Variants in DOCK1 observed in about 807,000 individuals in gnomAD.
DOCK1 encodes the protein dedicator of cytokinesis protein 1.
In DOCK1, 138 loss-of-function variants were observed where a neutral mutation model predicts 262.7. That is an observed-to-expected ratio of 0.53 (90% CI 0.46 to 0.61). The LOEUF (loss-of-function observed/expected upper bound fraction) is 0.61. DOCK1 is among the 20% of genes least tolerant of loss of function. DOCK1 has a pLI of 0.00. For synonymous variants in DOCK1, 866 were observed against 867.4 expected (o/e 1.00, Z 0.03); for missense variants, 1,908 against 2,370.7 (o/e 0.80, Z 4.05).
rs1410939605 is a variant in DOCK1 at position 126,951,570 on chromosome 10, TGTG to T, written c.47-19123_47-19121del. Among the ~76,000 whole-genome samples the T allele has an allele frequency of 8.0e-5, 12 of 149,736 alleles. No individual in the cohort carries two copies. The South Asian group carries it at 1.5e-3, about 19-fold the overall frequency. On this transcript the variant is annotated intron_variant, in intron 1 of 51. Coordinates refer to ENST00000623213, the MANE Select transcript of DOCK1 (RefSeq NM_001290223.2). ...TTGTTGGTGATGTGTTGGTGGTGATTGTGGTGGTGGTAGTATTGTTGGTAGTGT... is the reference window on the plus strand; with the variant it reads ...TTGTTGGTGATGTGTTGGTGGTGATTGTGGTGGTAGTATTGTTGGTAGTGT...
intron 27 of DOCK1, among the ~76,000 whole-genome samples, chr10:127,233,079 GC>G (rs1244091332): frequency 6.6e-6 from 1 of 152,100 alleles, no homozygotes; most frequent in Admixed American, 6.6e-5. Flanking sequence ...TATGTATGAG[GC>G]AAATAACTGA....
In DOCK1 at chr10:127,139,162, T is replaced by C. The variant is rs925300873; in HGVS notation, c.2847+11398T>C. Among the ~76,000 whole-genome samples, 3 of 152,206 alleles carry C rather than the reference T, an allele frequency of 2.0e-5. No individual in the cohort carries two copies. In the East Asian group the frequency reaches 5.8e-4, roughly 29 times the overall value. On this transcript the variant is annotated intron_variant, in intron 27 of 51. Transcript: ENST00000623213. ...GCGTTGATGATAATGCATGAGCTCATAACATTTTATAACCAGTGGAACCGT... is the reference window on the plus strand; with the variant it reads ...GCGTTGATGATAATGCATGAGCTCACAACATTTTATAACCAGTGGAACCGT...
chr10:127,228,996 G>A (rs556724036), intron 27 of DOCK1, among the ~76,000 whole-genome samples: 38 of 152,232 alleles, frequency 2.5e-4, no homozygotes, highest in Non-Finnish European at 4.7e-4. Context: ...ACTCTGGGAG[G>A]CTTAGGCGGG....
chr10:126,977,603 A>G (rs2038644099), intron 2 of DOCK1, among the ~76,000 whole-genome samples: 1 of 152,178 alleles, frequency 6.6e-6, no homozygotes, highest in Non-Finnish European at 1.5e-5. Context: ...AAGAAAATGC[A>G]TACACAAGGA....
chr10:127,180,325 G>T (rs1434250579), intron 27 of DOCK1, among the ~76,000 whole-genome samples: 2 of 152,156 alleles, frequency 1.3e-5, no homozygotes, highest in Admixed American at 1.3e-4. Flanking sequence ...GGCTTGCCTT[G>T]GCTGGGTCAC....
intron 45 of DOCK1, 45 bp from the exon 46 acceptor site, chr10:127,419,621 G>C: frequency 6.5e-7 from 1 of 1,547,498 alleles, no homozygotes; most frequent in East Asian, 2.4e-5. Context: ...AAAAACCTGT[G>C]TTTGCTGAGC....
At chr10:127,164,505 C>T (rs1284133273) in intron 27 of DOCK1, among the ~76,000 whole-genome samples, 1 of 152,078 alleles carries the variant, frequency 6.6e-6, no homozygotes, top group Non-Finnish European at 1.5e-5. Flanking sequence ...TTTTGTTGCT[C>T]CTCTCTGTAG....
chr10:127,281,901 T>A (rs1395421703), intron 29 of DOCK1, among the ~76,000 whole-genome samples: 1 of 152,118 alleles, frequency 6.6e-6, no homozygotes, highest in Admixed American at 6.5e-5. Context: ...TGTAGGTCAG[T>A]GATGTTGCAT....
At chr10:127,069,445 A>C (rs2046076606) in intron 23 of DOCK1, among the ~76,000 whole-genome samples, 1 of 152,322 alleles carries the variant, frequency 6.6e-6, no homozygotes, top group Admixed American at 6.5e-5. Context: ...AAGCAGCTTA[A>C]AGAAATTTGG....
intron 1 of DOCK1, among the ~76,000 whole-genome samples, chr10:126,906,420 T>G (rs1215606791): frequency 6.6e-6 from 1 of 152,190 alleles, no homozygotes; most frequent in Non-Finnish European, 1.5e-5. Context: ...CACCTCTTCG[T>G]GATCTGCGCG....
chr10:127,279,083 A>C (rs2060849846), intron 29 of DOCK1, among the ~76,000 whole-genome samples: 1 of 152,258 alleles, frequency 6.6e-6, no homozygotes, highest in Admixed American at 6.5e-5. Context: ...ATAATTTTCC[A>C]GTGTAGCGTT....
At chr10:127,320,081 C>G (rs1228575080) in intron 29 of DOCK1, among the ~76,000 whole-genome samples, 1 of 152,196 alleles carries the variant, frequency 6.6e-6, no homozygotes, top group Admixed American at 6.5e-5. Flanking sequence ...GTGCACTCAT[C>G]GGTGCCCACA....
chr10:126,971,968 G>T (rs1197963952), intron 2 of DOCK1, among the ~76,000 whole-genome samples: 1 of 151,982 alleles, frequency 6.6e-6, no homozygotes, highest in African/African-American at 2.4e-5. Context: ...CCAGGCTGGA[G>T]TGCAATGGCG....
intron 31 of DOCK1, among the ~76,000 whole-genome samples, chr10:127,347,230 T>G (rs1235961225): frequency 1.3e-5 from 2 of 152,258 alleles, no homozygotes; most frequent in African/African-American, 4.8e-5. Context: ...AGGGATTCAG[T>G]GCCCACTCTG....
At chr10:126,992,993 C>T (rs909396461) in intron 6 of DOCK1, among the ~76,000 whole-genome samples, 5 of 152,240 alleles carry the variant, frequency 3.3e-5, no homozygotes, top group Non-Finnish European at 5.9e-5. Context: ...GTTGACTGCA[C>T]AGGCCACTTC....
At chr10:127,400,469 A>C (rs2067157682) in intron 38 of DOCK1, among the ~76,000 whole-genome samples, 1 of 152,188 alleles carries the variant, frequency 6.6e-6, no homozygotes, top group Non-Finnish European at 1.5e-5. Context: ...GGAGGTGGGG[A>C]AGCAGCTTGG....
intron 1 of DOCK1, among the ~76,000 whole-genome samples, chr10:126,954,141 G>T (rs1007198594): frequency 2.4e-4 from 37 of 152,356 alleles, no homozygotes; most frequent in African/African-American, 8.7e-4. Context: ...TATTTCTACT[G>T]TGGTGCAAAA....
Position 127,199,232 on chromosome 10 carries a change from C to T in DOCK1, c.2848-48776C>T, listed in dbSNP as rs61627925. Among the ~76,000 whole-genome samples the T allele has an allele frequency of 2.9e-3, 442 of 152,192 alleles. 5 individuals carry two copies. Among genetic ancestry groups the T allele is most frequent in the African/African-American group, 9.9e-3 (412 of 41,502 alleles). ...AATAAAAATAAGGGAAAGTTCAAGA[C>T]GGCTAACTAAGCAAAATATCCACGT... On this transcript the variant is annotated intron_variant, in intron 27 of 51. Transcript: ENST00000623213.
intron 29 of DOCK1, among the ~76,000 whole-genome samples, chr10:127,290,317 T>G (rs2061306788): frequency 6.6e-6 from 1 of 152,224 alleles, no homozygotes; most frequent in South Asian, 2.1e-4. Flanking sequence ...GTTTTTATGT[T>G]GTGTATATTT....
Sources: allele counts gnomAD v4.1 joint callset (sites outside exome capture counted in the v4.1 genomes callset), GRCh38; gene constraint gnomAD v4.1.1; transcripts MANE v1.5; gene names NCBI Gene and HGNC (gene_info 2026-07-23, HGNC 2026-07-21).